Variants in GPC5 observed in about 807,000 individuals in gnomAD.
GPC5 encodes the protein glypican 5.
GPC5 carries 47 observed loss-of-function variants against 53.9 expected under a neutral mutation model. The observed-to-expected ratio is 0.87, with a 90% confidence interval of 0.69 to 1.11. The LOEUF (loss-of-function observed/expected upper bound fraction) is 1.11. Ranked by LOEUF, GPC5 falls within the 50% of genes most tolerant of loss-of-function variation. The pLI is 0.00. For missense variants in GPC5, 748 were observed against 713.1 expected (o/e 1.05, Z -0.56); for synonymous variants, 286 against 263.3 (o/e 1.09, Z -0.84).
At chr13:92,176,424 T>C (rs911237352) in intron 7 of GPC5, among the ~76,000 whole-genome samples, 5 of 152,176 alleles carry the variant, frequency 3.3e-5, no homozygotes, top group Admixed American at 3.3e-4. Context: ...TTTCTTTGCA[T>C]TTATGCTCCT....
At chr13:92,513,183 G>A (rs1880638316) in intron 7 of GPC5, among the ~76,000 whole-genome samples, 1 of 152,174 alleles carries the variant, frequency 6.6e-6, no homozygotes, top group African/African-American at 2.4e-5. Context: ...GAATCAGCAG[G>A]CCGCCTTTTC....
intron 2 of GPC5, among the ~76,000 whole-genome samples, chr13:91,590,677 A>G (rs1041084269): frequency 1.3e-5 from 2 of 152,188 alleles, no homozygotes; most frequent in African/African-American, 4.8e-5. Flanking sequence ...ACATTGAGTC[A>G]CCACTGCTTT....
chr13:92,864,420 GTGTC>G lies in GPC5; in HGVS notation c.1562-1859_1562-1856del, dbSNP rs202231841. 3.0e-3 allele frequency among the ~76,000 whole-genome samples: 454 copies of G among 152,202 alleles called. 11 individuals carry two copies. The East Asian group carries it at 0.049, about 17-fold the overall frequency. ...GATGGCATCCACTAAACCTAAATCA[GTGTC>G]TGGCTCATGAATGAACAAAATATAA... On this transcript the variant is annotated intron_variant, in intron 7 of 7. Coordinates refer to ENST00000377067, the MANE Select transcript of GPC5 (RefSeq NM_004466.6).
At chr13:91,567,438 G>A (rs1334172681) in intron 2 of GPC5, among the ~76,000 whole-genome samples, 1 of 152,160 alleles carries the variant, frequency 6.6e-6, no homozygotes, top group Non-Finnish European at 1.5e-5. Flanking sequence ...AGAGGTCAAA[G>A]GTTATAGCAT....
intron 7 of GPC5, among the ~76,000 whole-genome samples, chr13:92,607,470 A>G (rs1177448608): frequency 6.9e-6 from 1 of 145,374 alleles, no homozygotes; most frequent in Non-Finnish European, 1.5e-5. Context: ...AAACGACAGA[A>G]AAAAAAAATT....
chr13:92,670,316 C>T (rs1449964206), intron 7 of GPC5, among the ~76,000 whole-genome samples: 1 of 152,098 alleles, frequency 6.6e-6, no homozygotes, highest in African/African-American at 2.4e-5. Context: ...CATCCAAAGG[C>T]TAGGGAAGTC....
In GPC5 at chr13:91,742,089, A is replaced by G. The variant is rs1327125917; in HGVS notation, c.1154+13424A>G. Among the ~76,000 whole-genome samples, 3 of 152,290 alleles carry G rather than the reference A, an allele frequency of 2.0e-5. No individual in the cohort carries two copies. The East Asian group carries it at 5.8e-4, about 29-fold the overall frequency. Reference sequence around the variant, plus strand: ...AGGGCAGGCCAAGACAAAGCTTTGGATAGGAGGCCAGAGCAGGTATGGAGG... The same window carrying G: ...AGGGCAGGCCAAGACAAAGCTTTGGGTAGGAGGCCAGAGCAGGTATGGAGG... On this transcript the variant is annotated intron_variant, in intron 4 of 7. Coordinates refer to ENST00000377067, the MANE Select transcript of GPC5 (RefSeq NM_004466.6).
chr13:92,068,568 G>C (rs894947628), intron 6 of GPC5, among the ~76,000 whole-genome samples: 33 of 151,428 alleles, frequency 2.2e-4, no homozygotes, highest in Non-Finnish European at 3.0e-4. Context: ...CCTAAGGAAA[G>C]CTTTCCATAT....
At chr13:91,978,541 T>C in intron 6 of GPC5, among the ~76,000 whole-genome samples, 1 of 152,104 alleles carries the variant, frequency 6.6e-6, no homozygotes. Flanking sequence ...TAGGCTACTG[T>C]GGATAAGTTT....
intron 2 of GPC5, among the ~76,000 whole-genome samples, chr13:91,525,585 A>G (rs1886048080): frequency 6.6e-6 from 1 of 152,194 alleles, no homozygotes; most frequent in African/African-American, 2.4e-5. Flanking sequence ...TATTTGTGGC[A>G]TTTCCACAGA....
At chr13:91,515,262 G>A (rs775857428) in intron 2 of GPC5, among the ~76,000 whole-genome samples, 2 of 151,120 alleles carry the variant, frequency 1.3e-5, no homozygotes, top group Non-Finnish European at 2.9e-5. Flanking sequence ...ATGCAAACTT[G>A]TTCATTTTTT....
chr13:91,711,224 G>A (rs2036218493), intron 3 of GPC5, among the ~76,000 whole-genome samples: 1 of 152,136 alleles, frequency 6.6e-6, no homozygotes, highest in African/African-American at 2.4e-5. Context: ...ATGAATGATA[G>A]ACTGGATTAA....
chr13:92,745,204 T>C (rs1188916783), intron 7 of GPC5, among the ~76,000 whole-genome samples: 1 of 152,064 alleles, frequency 6.6e-6, no homozygotes. Flanking sequence ...TAGTTCAATA[T>C]AAACACAATT....
At chr13:92,710,351 C>T (rs1888091287) in intron 7 of GPC5, among the ~76,000 whole-genome samples, 1 of 151,792 alleles carries the variant, frequency 6.6e-6, no homozygotes, top group Non-Finnish European at 1.5e-5. Flanking sequence ...ATTTACCATC[C>T]TAATGTGACA....
chr13:92,534,398 C>T (rs569617841), intron 7 of GPC5, among the ~76,000 whole-genome samples: 27 of 152,230 alleles, frequency 1.8e-4, no homozygotes, highest in African/African-American at 5.8e-4. Context: ...GTAAGAACAG[C>T]GACAAAACAG....
chr13:92,615,318 G>A (rs1566321783), intron 7 of GPC5, among the ~76,000 whole-genome samples: 1 of 152,148 alleles, frequency 6.6e-6, no homozygotes. Flanking sequence ...AAAGATAATA[G>A]ACATAAAATC....
intron 5 of GPC5, among the ~76,000 whole-genome samples, chr13:91,819,367 A>AC (rs2038454702): frequency 6.6e-6 from 1 of 151,486 alleles, no homozygotes; most frequent in Non-Finnish European, 1.5e-5. Context: ...CACCATGTTG[A>AC]CCAGGCTGGT....
At chr13:92,382,681 T>C (rs533985427) in intron 7 of GPC5, among the ~76,000 whole-genome samples, 12 of 152,210 alleles carry the variant, frequency 7.9e-5, no homozygotes, top group Admixed American at 6.5e-4. Flanking sequence ...CTCTCATCAG[T>C]TAATAGAACA....
intron 7 of GPC5, among the ~76,000 whole-genome samples, chr13:92,389,438 C>T (rs1874897045): frequency 6.6e-6 from 1 of 151,998 alleles, no homozygotes; most frequent in Non-Finnish European, 1.5e-5. Context: ...GCAACCCGGG[C>T]AATTCTCTTC....
Sources: allele counts gnomAD v4.1 joint callset (sites outside exome capture counted in the v4.1 genomes callset), GRCh38; gene constraint gnomAD v4.1.1; transcripts MANE v1.5; gene names NCBI Gene and HGNC (gene_info 2026-07-23, HGNC 2026-07-21).